PDZK1: variants seen among roughly 807,000 people sequenced by gnomAD.
The protein encoded by PDZK1 is PDZ domain containing 1.
Under a neutral mutation model 38.1 loss-of-function variants are expected in PDZK1, and 23 were observed. That is an observed-to-expected ratio of 0.60 (90% CI 0.43 to 0.85). The LOEUF is 0.85. Ranked by LOEUF, PDZK1 falls within the 40% of genes least tolerant of loss-of-function variation. PDZK1 has a pLI of 0.00. For synonymous variants in PDZK1, 98 were observed against 186.2 expected (o/e 0.53, Z 3.86); for missense variants, 297 against 504.3 (o/e 0.59, Z 3.94).
intron 5 of PDZK1, among the ~76,000 whole-genome samples, chr1:145,679,906 C>T (rs1423708095): frequency 1.3e-5 from 2 of 152,236 alleles, no homozygotes; most frequent in Admixed American, 6.5e-5. Flanking sequence ...TACTACACAT[C>T]ATGTGCCAAT....
intron 3 of PDZK1, among the ~76,000 whole-genome samples, chr1:145,684,009 G>C (rs1346172372): frequency 5.3e-5 from 8 of 151,476 alleles, no homozygotes; most frequent in Non-Finnish European, 5.9e-5. Flanking sequence ...ACCGCGCCTG[G>C]CTAATTTTTG....
intron 1 of PDZK1, among the ~76,000 whole-genome samples, chr1:145,706,636 A>G (rs1481325462): frequency 6.6e-6 from 1 of 152,218 alleles, no homozygotes; most frequent in Non-Finnish European, 1.5e-5. Context: ...TGCTTAAGAA[A>G]TAAACTACTA....
intron 1 of PDZK1, among the ~76,000 whole-genome samples, chr1:145,698,208 C>T (rs1445908350): frequency 1.3e-5 from 2 of 151,870 alleles, no homozygotes; most frequent in African/African-American, 2.4e-5. Context: ...CGAAGGTGGC[C>T]GAGAGGGGAC....
chr1:145,687,866 T>TC lies in PDZK1; in HGVS notation c.155dup (p.Asp53ArgfsTer5), dbSNP rs1559071067. 4 of 1,614,070 alleles carry TC rather than the reference T, an allele frequency of 2.5e-6. No individual in the cohort carries two copies. The highest frequency in any genetic ancestry group is 2.5e-6 in the Non-Finnish European group (3 of 1,179,992). On this transcript the variant is annotated frameshift_variant, in exon 2 of 9. Transcript: ENST00000417171. LOFTEE classifies it high-confidence loss of function. The stretch of plus-strand genomic sequence containing the variant: ...CACCATTGATCCTAAGAACTCTGTC[T>TC]CCATCTTGAAGGCCAGCCTTCTCTG...
chr1:145,674,674 T>A (rs1653463497), intron 6 of PDZK1, among the ~76,000 whole-genome samples: 1 of 152,030 alleles, frequency 6.6e-6, no homozygotes, highest in South Asian at 2.1e-4. Context: ...TCAGGGGTGA[T>A]GCCAGTAATG....
At chr1:145,675,509 A>G (rs1228798524) in intron 6 of PDZK1, among the ~76,000 whole-genome samples, 8 of 141,830 alleles carry the variant, frequency 5.6e-5, no homozygotes, top group Non-Finnish European at 9.1e-5. Context: ...CCACCAGCAC[A>G]GAACCTCCTA....
intron 1 of PDZK1, among the ~76,000 whole-genome samples, chr1:145,697,291 C>T (rs991563513): frequency 2.0e-5 from 3 of 151,670 alleles, no homozygotes; most frequent in Non-Finnish European, 4.4e-5. Context: ...CACACCACTG[C>T]ACTCTAGTCT....
intron 6 of PDZK1, among the ~76,000 whole-genome samples, chr1:145,677,955 T>C (rs1164981344): frequency 3.7e-5 from 4 of 107,180 alleles, no homozygotes; most frequent in African/African-American, 7.1e-5. Flanking sequence ...AAACATGCAG[T>C]AGTGGGTGTT....
At chr1:145,683,709 A>G (rs2784300) in intron 3 of PDZK1, among the ~76,000 whole-genome samples, 12 of 152,272 alleles carry the variant, frequency 7.9e-5, no homozygotes, top group East Asian at 3.9e-4. Context: ...ACATACCTAC[A>G]ATAGAGTTTA....
Position 145,687,927 on chromosome 1 carries a change from C to G in PDZK1, c.95G>C (p.Gly32Ala). Residue 32 changes from glycine to alanine, a missense_variant, in exon 2 of 9, where the codon GGC becomes GCC. Gly to Ala is a moderately conservative substitution (Grantham distance 60). This residue lies in a region of PDZK1 where 159 missense variants were observed against 200.0 expected (regional missense o/e 0.79). Coordinates refer to ENST00000417171, the MANE Select transcript of PDZK1 (RefSeq NM_001201325.2). The part of the protein sequence containing the change: ...FFLRIEKDTE[G>A]HLVRVVEKCS... Reference sequence around the variant, plus strand: ...CTTCTCAACCACCCGGACCAGGTGGCCCTCGGTGTCCTTCTCAATTCGCAG... The same window carrying G: ...CTTCTCAACCACCCGGACCAGGTGGGCCTCGGTGTCCTTCTCAATTCGCAG... The G allele has an allele frequency of 6.2e-7, 1 of 1,612,590 alleles. No homozygotes were observed. The highest frequency in any genetic ancestry group is 1.1e-5 in the South Asian group (1 of 90,962).
At chr1:145,686,079 C>CAAAAAA (rs1654737358) in intron 3 of PDZK1, among the ~76,000 whole-genome samples, 5 of 152,168 alleles carry the variant, frequency 3.3e-5, no homozygotes, top group African/African-American at 1.2e-4. Flanking sequence ...CAATCTTACT[C>CAAAAAA]AAAAATAGCT....
chr1:145,680,285 T>A (rs1444595063), intron 5 of PDZK1, among the ~76,000 whole-genome samples: 1 of 152,056 alleles, frequency 6.6e-6, no homozygotes, highest in African/African-American at 2.4e-5. Flanking sequence ...AAATTAATAT[T>A]TGATAAATTA....
At chr1:145,690,918 T>C (rs1655191937) in intron 1 of PDZK1, among the ~76,000 whole-genome samples, 1 of 152,190 alleles carries the variant, frequency 6.6e-6, no homozygotes, top group Non-Finnish European at 1.5e-5. Context: ...TGGTAATCGC[T>C]CAGATCTGCA....
chr1:145,676,976 C>T (rs1364034516), intron 6 of PDZK1, among the ~76,000 whole-genome samples: 1 of 152,060 alleles, frequency 6.6e-6, no homozygotes, highest in African/African-American at 2.4e-5. Context: ...CCAATTCAAC[C>T]CTCATAGCCA....
intron 8 of PDZK1, 86 bp downstream of exon 8, chr1:145,672,644 G>A (rs1653193336): frequency 6.6e-7 from 1 of 1,517,604 alleles, no homozygotes; most frequent in Non-Finnish European, 8.9e-7. Flanking sequence ...AAAATCTGTG[G>A]CAAACATAGA....
chr1:145,684,255 C>T (rs1291223850), intron 3 of PDZK1, among the ~76,000 whole-genome samples: 7 of 148,442 alleles, frequency 4.7e-5, no homozygotes, highest in Admixed American at 4.7e-4. Context: ...ATCGCCCAGC[C>T]TGGAGTGCAG....
chr1:145,701,914 G>A (rs1655980679), intron 1 of PDZK1, among the ~76,000 whole-genome samples: 1 of 152,230 alleles, frequency 6.6e-6, no homozygotes, highest in East Asian at 1.9e-4. Context: ...GAAAAGCAAA[G>A]CATATGGAAA....
In PDZK1 at chr1:145,687,986, C is replaced by T. The variant is rs782589693; in HGVS notation, c.36G>A (p.Leu12=). 1 of 1,612,704 alleles carries T rather than the reference C, an allele frequency of 6.2e-7. No individual in the cohort carries two copies. Among genetic ancestry groups the T allele is most frequent in the Non-Finnish European group, 8.5e-7 (1 of 1,179,670 alleles). The change falls in exon 2 of 9, where the codon CTG becomes CTA. Residue 12 remains leucine, a synonymous_variant. Transcript: ENST00000417171. ...TSTFNPRECK[L]SKQEGQNYGF... Reference sequence around the variant, plus strand: ...CATAGTTTTGCCCTTCTTGCTTGGACAGTTTACATTCTCGGGGGTTGAAGG... The same window carrying T: ...CATAGTTTTGCCCTTCTTGCTTGGATAGTTTACATTCTCGGGGGTTGAAGG...
intron 1 of PDZK1, among the ~76,000 whole-genome samples, chr1:145,699,665 A>G (rs1291105723): frequency 1.3e-5 from 2 of 152,246 alleles, no homozygotes; most frequent in Non-Finnish European, 2.9e-5. Context: ...AAAGATCTTT[A>G]GAGCAGAATA....
Sources: gnomAD v4.1 joint callset for allele counts (sites outside exome capture counted in the v4.1 genomes callset) on GRCh38, gnomAD v4.1.1 for gene constraint, gnomAD v4.1.1 regional missense constraint, MANE v1.5 for transcripts, NCBI Gene and HGNC (gene_info 2026-07-23, HGNC 2026-07-21) for gene names.